NR6A1: variants seen among roughly 807,000 people sequenced by gnomAD.
NR6A1 encodes the protein nuclear receptor subfamily 6 group A member 1.
A neutral mutation model predicts 59.1 loss-of-function variants in NR6A1; 7 were observed. The observed-to-expected ratio is 0.12, with a 90% CI of 0.07 to 0.22. NR6A1 has a LOEUF of 0.22. Among genes scored for constraint, NR6A1 ranks in the 10% least tolerant of loss-of-function variants. NR6A1 has a pLI of 1.00. For missense variants in NR6A1, 468 were observed against 611.6 expected, an observed-to-expected ratio of 0.77 and a Z score of 2.48; for synonymous variants, 243 against 236.1, an observed-to-expected ratio of 1.03 and a Z score of -0.27.
At chr9:124,728,261 C>T (rs1302658518) in intron 2 of NR6A1, among the ~76,000 whole-genome samples, 2 of 151,918 alleles carry the variant, frequency 1.3e-5, no homozygotes, top group African/African-American at 4.8e-5. Context: ...GATCTCCTGA[C>T]CTCGTGATCC....
At chr9:124,524,625 G>T in intron 9 of NR6A1, 96 bp downstream of exon 9, 2 of 1,413,898 alleles carry the variant, frequency 1.4e-6, no homozygotes, top group Non-Finnish European at 1.9e-6. Context: ...TTGGTGATGG[G>T]CTGGAAAGAG....
At chr9:124,540,946 CA>C (rs1443574543) in intron 4 of NR6A1, among the ~76,000 whole-genome samples, 4 of 151,948 alleles carry the variant, frequency 2.6e-5, no homozygotes, top group African/African-American at 9.7e-5. Flanking sequence ...CCCCAAAAGA[CA>C]TCGACCCCTT....
intron 2 of NR6A1, among the ~76,000 whole-genome samples, chr9:124,639,824 T>C (rs1166184143): frequency 6.6e-6 from 1 of 152,198 alleles, no homozygotes; most frequent in African/African-American, 2.4e-5. Flanking sequence ...GTTTCAATAG[T>C]ATGGTGAGTT....
chr9:124,670,111 G>T (rs773949334), intron 2 of NR6A1, among the ~76,000 whole-genome samples: 1 of 151,876 alleles, frequency 6.6e-6, no homozygotes, highest in Non-Finnish European at 1.5e-5. Flanking sequence ...CTGGCAGAGC[G>T]GTTCATGCCT....
intron 1 of NR6A1, among the ~76,000 whole-genome samples, chr9:124,739,186 T>C (rs1177945586): frequency 7.5e-6 from 1 of 133,416 alleles, no homozygotes; most frequent in Admixed American, 7.6e-5. Context: ...AGACTCCATC[T>C]CAAAAAAAAA....
chr9:124,625,332 G>T (rs1836205939), intron 2 of NR6A1, among the ~76,000 whole-genome samples: 1 of 152,170 alleles, frequency 6.6e-6, no homozygotes, highest in Non-Finnish European at 1.5e-5. Flanking sequence ...AAGAGCAATA[G>T]TGTTATTATT....
chr9:124,543,677 A>T, intron 4 of NR6A1, 125 bp downstream of exon 4: 1 of 659,064 alleles, frequency 1.5e-6, no homozygotes, highest in Non-Finnish European at 2.5e-6. Context: ...AAGCACTTTT[A>T]CAGAAATGAA....
At chr9:124,562,596 G>T (rs1048420456) in intron 2 of NR6A1, among the ~76,000 whole-genome samples, 5 of 152,078 alleles carry the variant, frequency 3.3e-5, no homozygotes, top group African/African-American at 1.2e-4. Flanking sequence ...CACCTGGCAA[G>T]AGTTTTTTGT....
chr9:124,565,295 C>T (rs1746002392), intron 2 of NR6A1, among the ~76,000 whole-genome samples: 1 of 152,030 alleles, frequency 6.6e-6, no homozygotes, highest in South Asian at 2.1e-4. Flanking sequence ...GGCATGGTGG[C>T]ACGCGCTTGT....
intron 3 of NR6A1, among the ~76,000 whole-genome samples, chr9:124,551,681 C>G (rs946974488): frequency 6.6e-6 from 1 of 152,200 alleles, no homozygotes; most frequent in Non-Finnish European, 1.5e-5. Flanking sequence ...CAGCTAGATT[C>G]ATTTGTCATA....
chr9:124,550,375 A>ATTTT (rs58594452), intron 3 of NR6A1, among the ~76,000 whole-genome samples: 19 of 117,612 alleles, frequency 1.6e-4, no homozygotes, highest in African/African-American at 2.9e-4. Context: ...CTAATGGTGA[A>ATTTT]TTTTTTTTTT....
Position 124,538,149 on chromosome 9 carries a change from T to C in NR6A1, c.767A>G (p.Gln256Arg). The C allele has an allele frequency of 6.2e-7, 1 of 1,614,144 alleles. No individual in the cohort carries two copies. The highest frequency in any genetic ancestry group is 1.1e-5 in the South Asian group (1 of 91,078). The change falls in exon 6 of 10, where the codon CAG (glutamine) becomes CGG (arginine). Residue 256 changes from glutamine (Q) to arginine (R), a missense_variant. By Grantham distance (43) the Gln-to-Arg change is conservative (BLOSUM62 1). This residue lies in a region of NR6A1 where 151 missense variants were observed against 142.8 expected (regional missense o/e 1.06). Transcript: ENST00000487099. ...LDPQSYSLIH[Q>R]LLSAEDLEPL... The stretch of plus-strand genomic sequence containing the variant: ...TTCCAGGTCCTCGGCTGATAACAGC[T>C]GGTGAATCAGACTGTATGACTGGGG...
intron 7 of NR6A1, among the ~76,000 whole-genome samples, chr9:124,535,555 G>C (rs2131344194): frequency 6.6e-6 from 1 of 152,332 alleles, no homozygotes; most frequent in African/African-American, 2.4e-5. Flanking sequence ...TCCAGCCTGG[G>C]CGACAGAATG....
At chr9:124,572,006 A>C (rs187300454) in intron 2 of NR6A1, among the ~76,000 whole-genome samples, 2 of 152,290 alleles carry the variant, frequency 1.3e-5, no homozygotes, top group Non-Finnish European at 2.9e-5. Context: ...AGATAGAAAA[A>C]AGGTACCCTA....
chr9:124,727,697 ATTTTT>A (rs574049816), intron 2 of NR6A1, among the ~76,000 whole-genome samples: 1,655 of 152,140 alleles, frequency 0.011, 30 homozygotes, highest in African/African-American at 0.037. Context: ...TTATTTATTT[ATTTTT>A]AATACAGGGT....
intron 1 of NR6A1, among the ~76,000 whole-genome samples, chr9:124,764,714 T>C (rs926136495): frequency 1.3e-5 from 2 of 152,244 alleles, no homozygotes; most frequent in African/African-American, 2.4e-5. Context: ...CAATGTGCTA[T>C]AGCTATTACT....
chr9:124,736,003 G>C (rs1840009886), intron 1 of NR6A1, among the ~76,000 whole-genome samples: 1 of 152,144 alleles, frequency 6.6e-6, no homozygotes, highest in Non-Finnish European at 1.5e-5. Context: ...ATAGTACCAG[G>C]CAATGAGAAA....
rs550570046 is a variant in NR6A1, at chr9:124,522,414, T to C, written c.*291A>G. ...CTATTTCTAAACAATGACAACACTG[T>C]AACATTAAACATCTTCACATTCTGT... On this transcript the variant is annotated 3_prime_UTR_variant, in exon 10 of 10. Coordinates refer to ENST00000487099, the MANE Select transcript of NR6A1 (RefSeq NM_033334.4). The C allele has an allele frequency of 8.5e-6, 2 of 235,128 alleles. No homozygotes were observed. The highest frequency in any genetic ancestry group is 1.5e-4 in the South Asian group (2 of 13,354). 14.6% of individuals were successfully genotyped at this position (235,128 alleles called of 1,614,324 possible).
In NR6A1 at chr9:124,598,955, C is replaced by T. The variant is rs189566490; in HGVS notation, c.143-44385G>A. ...GTTCCAGACTCAGGCATGGTCATTA[C>T]CCACGTTGGGTTTCAGCTCCACCAT... is the stretch of plus-strand genomic sequence containing the variant. On this transcript the variant is annotated intron_variant, in intron 2 of 9. Coordinates refer to ENST00000487099, the MANE Select transcript of NR6A1 (RefSeq NM_033334.4). 2.8e-4 allele frequency: 202 copies of T among 711,568 alleles called. 2 individuals are homozygous for T. Among genetic ancestry groups the T allele is most frequent in the South Asian group, 5.8e-4 (40 of 68,902 alleles). The allele number at this position is 711,568 out of a possible 1,614,324, so 44.1% of individuals were successfully genotyped here. A position where few individuals can be genotyped will look rare whatever the true frequency, so the allele number is the denominator to read the frequency against.
Sources: gnomAD v4.1 joint callset for allele counts (sites outside exome capture counted in the v4.1 genomes callset) on GRCh38, gnomAD v4.1.1 for gene constraint, gnomAD v4.1.1 regional missense constraint, MANE v1.5 for transcripts, NCBI Gene and HGNC (gene_info 2026-07-23, HGNC 2026-07-21) for gene names.